The following RNF17 variants were observed in gnomAD, a reference collection of about 807,000 sequenced individuals.
RNF17 encodes the protein ring finger protein 17, also known as spermatogenesis associated 23.
RNF17 carries 31 observed loss-of-function variants against 200.5 expected under a neutral mutation model. The ratio of observed to expected loss-of-function variants is 0.15; its 90% CI spans 0.12 to 0.21. The LOEUF is 0.21. Among genes scored for constraint, RNF17 ranks in the 10% least tolerant of loss-of-function variants. The pLI, the probability that RNF17 is intolerant of heterozygous loss-of-function variation, is 1.00. For synonymous variants in RNF17, 606 were observed against 637.8 expected (o/e 0.95, Z 0.75); for missense variants, 1,628 against 1,905.1 (o/e 0.85, Z 2.71).
chr13:24,811,027 G>A (rs1370143953), intron 15 of RNF17, among the ~76,000 whole-genome samples: 1 of 151,818 alleles, frequency 6.6e-6, no homozygotes, highest in South Asian at 2.1e-4. Flanking sequence ...AGTCTGAGGG[G>A]CTTCCCTTTG....
chr13:24,828,415 A>T (rs969847007), intron 16 of RNF17, among the ~76,000 whole-genome samples: 1 of 152,090 alleles, frequency 6.6e-6, no homozygotes, highest in African/African-American at 2.4e-5. Flanking sequence ...TTAAAAGTTA[A>T]TGCTAAAAGA....
upstream of RNF17, among the ~76,000 whole-genome samples, chr13:24,760,431 AG>A (rs1293147640): frequency 2.0e-5 from 3 of 152,240 alleles, no homozygotes; most frequent in Admixed American, 6.5e-5. Flanking sequence ...CACATGCAGA[AG>A]AATGAAATTA....
Position 24,862,809 on chromosome 13 carries a change from T to C in RNF17, c.3975+16T>C, listed in dbSNP as rs771765076. Reference sequence around the variant, plus strand: ...TCACATTATGGTAATTTAAAGTATATATAGTTGTTATAAATTACTTGCCAT... The same window carrying C: ...TCACATTATGGTAATTTAAAGTATACATAGTTGTTATAAATTACTTGCCAT... On this transcript the variant is annotated intron_variant, in intron 28 of 35. Transcript: ENST00000255324. The C allele has an allele frequency of 2.9e-6, 4 of 1,367,272 alleles. No individual in the cohort carries two copies. The African/African-American group carries it at 5.7e-5, about 20-fold the overall frequency. The allele number at this position is 1,367,272 out of a possible 1,614,324, so 84.7% of individuals were successfully genotyped here. A position where few individuals can be genotyped will look rare whatever the true frequency, so the allele number is the denominator to read the frequency against.
intron 3 of RNF17, among the ~76,000 whole-genome samples, chr13:24,775,640 A>G (rs1032022217): frequency 6.6e-6 from 1 of 152,198 alleles, no homozygotes; most frequent in African/African-American, 2.4e-5. Flanking sequence ...AAGGAAAAAT[A>G]ATACCTTTGG....
At chr13:24,827,726 AAAAAAC>A (rs1296864701) in intron 16 of RNF17, among the ~76,000 whole-genome samples, 23 of 147,126 alleles carry the variant, frequency 1.6e-4, no homozygotes, top group African/African-American at 5.5e-4. Flanking sequence ...AACAAAAAAA[AAAAAAC>A]AATAGAAATT....
the RNF17 span, among the ~76,000 whole-genome samples, chr13:24,754,021 C>T: frequency 4.0e-5 from 6 of 151,812 alleles, no homozygotes; most frequent in East Asian, 5.8e-4. Context: ...AGCCAGGTGT[C>T]GTGATGGGTG....
At chr13:24,782,007 A>G (rs1190390511) in intron 6 of RNF17, 63 bp downstream of exon 6, 8 of 1,058,952 alleles carry the variant, frequency 7.6e-6, no homozygotes, top group Non-Finnish European at 1.2e-5. Flanking sequence ...TTGTCATTGT[A>G]TTCCTTTGTT....
chr13:24,769,823 T>G (rs1261689546), intron 2 of RNF17, among the ~76,000 whole-genome samples: 1 of 152,192 alleles, frequency 6.6e-6, no homozygotes, highest in East Asian at 1.9e-4. Flanking sequence ...GGTATCCTTT[T>G]GTTCTTATTT....
intron 6 of RNF17, among the ~76,000 whole-genome samples, chr13:24,785,161 T>C (rs1403515987): frequency 6.6e-6 from 1 of 151,290 alleles, no homozygotes; most frequent in East Asian, 1.9e-4. Flanking sequence ...TAGTTACTTA[T>C]GGTATATCGT....
chr13:24,845,029 T>C lies in RNF17; in HGVS notation c.3051T>C (p.Asn1017=). The C allele has an allele frequency of 6.2e-7, 1 of 1,606,516 alleles. No individual in the cohort carries two copies. Among genetic ancestry groups the C allele is most frequent in the Non-Finnish European group, 8.5e-7 (1 of 1,173,214 alleles). ...NVDCLRKLEE[N]LKTMGRLSLE... The stretch of plus-strand genomic sequence containing the variant: ...ACTGTTTAAGAAAACTTGAAGAAAA[T>C]CTAAAGACAATGGGAAGACTCTCTT... The change falls in exon 22 of 36, where the codon AAT becomes AAC. Residue 1017 remains asparagine (N), a synonymous_variant. Coordinates refer to ENST00000255324, the MANE Select transcript of RNF17 (RefSeq NM_031277.3).
intron 15 of RNF17, among the ~76,000 whole-genome samples, chr13:24,816,880 C>T (rs1887472485): frequency 6.6e-6 from 1 of 152,140 alleles, no homozygotes; most frequent in Admixed American, 6.5e-5. Flanking sequence ...AAAGAAGTAT[C>T]CTCTTTTGAT....
At chr13:24,825,861 A>G (rs1330835347) in intron 16 of RNF17, 89 bp downstream of exon 16, 1 of 1,460,320 alleles carries the variant, frequency 6.8e-7, no homozygotes, top group Non-Finnish European at 9.2e-7. Context: ...CTTGGAAGTA[A>G]TGTTATTTGA....
At chr13:24,774,973 G>T in intron 3 of RNF17, 69 bp downstream of exon 3, 1 of 1,038,620 alleles carries the variant, frequency 9.6e-7, no homozygotes, top group South Asian at 1.4e-5. Flanking sequence ...TAGAATTATT[G>T]ATAAAATGTC....
intron 15 of RNF17, among the ~76,000 whole-genome samples, chr13:24,812,687 T>TGCCC (rs1566168476): frequency 4.0e-5 from 1 of 24,732 alleles, no homozygotes; most frequent in Admixed American, 5.3e-4. Context: ...CCACCCCCTT[T>TGCCC]TTTTTTTTTT....
chr13:24,824,278 A>T, intron 15 of RNF17: 2 of 695,724 alleles, frequency 2.9e-6, no homozygotes, highest in Non-Finnish European at 5.3e-6. Context: ...AAAGCTTCCT[A>T]ATCTATTTTG....
chr13:24,812,433 G>C (rs1886783205), intron 15 of RNF17, among the ~76,000 whole-genome samples: 1 of 152,004 alleles, frequency 6.6e-6, no homozygotes, highest in Non-Finnish European at 1.5e-5. Flanking sequence ...CCCTTTCTTT[G>C]ACTAGGAAAG....
At chr13:24,848,961 T>C (rs2138193443) in intron 22 of RNF17, among the ~76,000 whole-genome samples, 1 of 152,294 alleles carries the variant, frequency 6.6e-6, no homozygotes, top group Admixed American at 6.5e-5. Flanking sequence ...TACGAAATCC[T>C]GTTTGGCCAA....
intron 18 of RNF17, among the ~76,000 whole-genome samples, chr13:24,834,979 G>A (rs1196261150): frequency 1.3e-5 from 2 of 152,196 alleles, no homozygotes; most frequent in African/African-American, 4.8e-5. Flanking sequence ...TGGGGCTGAT[G>A]GGGGGAACAC....
At chr13:24,797,801 A>AGCTGCCTG (rs1278952625) in intron 11 of RNF17, among the ~76,000 whole-genome samples, 1 of 150,220 alleles carries the variant, frequency 6.7e-6, no homozygotes, top group Admixed American at 6.7e-5. Context: ...TTGTGCCCTG[A>AGCTGCCTG]GCTGCCTGGA....
Sources: allele counts gnomAD v4.1 joint callset (sites outside exome capture counted in the v4.1 genomes callset), GRCh38; gene constraint gnomAD v4.1.1; transcripts MANE v1.5; gene names NCBI Gene and HGNC (gene_info 2026-07-23, HGNC 2026-07-21).